Variants in AGBL4 observed in about 807,000 individuals in gnomAD.
AGBL4 encodes the protein cytosolic carboxypeptidase 6.
Under a neutral mutation model 66.4 loss-of-function variants are expected in AGBL4, and 58 were observed. The observed-to-expected ratio is 0.87, with a 90% CI of 0.71 to 1.09. AGBL4 has a LOEUF of 1.09. AGBL4 is among the 50% of genes least tolerant of loss of function. The pLI, the probability that AGBL4 is intolerant of heterozygous loss-of-function variation, is 0.00. For synonymous variants in AGBL4, 234 were observed against 222.9 expected (o/e 1.05, Z -0.44); for missense variants, 579 against 631.0 (o/e 0.92, Z 0.88).
intron 9 of AGBL4, among the ~76,000 whole-genome samples, chr1:48,593,051 T>C (rs1644941990): frequency 6.6e-6 from 1 of 152,130 alleles, no homozygotes; most frequent in African/African-American, 2.4e-5. Context: ...AATCTGAAAG[T>C]CAAATGATAT....
At chr1:49,025,263 G>A (rs768900749) in intron 5 of AGBL4, among the ~76,000 whole-genome samples, 1 of 152,142 alleles carries the variant, frequency 6.6e-6, no homozygotes, top group Non-Finnish European at 1.5e-5. Flanking sequence ...CAGCAGCTGC[G>A]TTTCCAACTA....
intron 2 of AGBL4, among the ~76,000 whole-genome samples, chr1:49,720,691 C>T (rs1454053287): frequency 6.6e-6 from 1 of 152,038 alleles, no homozygotes; most frequent in Non-Finnish European, 1.5e-5. Context: ...TGACGTGATA[C>T]GTGCAGAGGT....
intron 3 of AGBL4, among the ~76,000 whole-genome samples, chr1:49,637,101 T>G (rs1365173338): frequency 6.6e-6 from 1 of 152,144 alleles, no homozygotes; most frequent in Non-Finnish European, 1.5e-5. Flanking sequence ...AACACTGGAC[T>G]CCAAGTTCTT....
intron 3 of AGBL4, among the ~76,000 whole-genome samples, chr1:49,317,244 A>G (rs1243851491): frequency 6.6e-6 from 1 of 151,928 alleles, no homozygotes; most frequent in African/African-American, 2.4e-5. Context: ...GTGGTAAGAA[A>G]AAGTATAATG....
intron 2 of AGBL4, among the ~76,000 whole-genome samples, chr1:49,704,030 A>C (rs2124635122): frequency 6.6e-6 from 1 of 152,246 alleles, no homozygotes; most frequent in Non-Finnish European, 1.5e-5. Context: ...AAAGATATCC[A>C]AGTCTTTTGC....
chr1:49,434,637 G>A (rs1209603461), intron 3 of AGBL4, among the ~76,000 whole-genome samples: 1 of 151,810 alleles, frequency 6.6e-6, no homozygotes, highest in East Asian at 1.9e-4. Flanking sequence ...TGCTATTCCA[G>A]CAAATTGCTA....
At chr1:48,606,587 A>G (rs1645157138) in intron 9 of AGBL4, among the ~76,000 whole-genome samples, 1 of 152,214 alleles carries the variant, frequency 6.6e-6, no homozygotes, top group South Asian at 2.1e-4. Flanking sequence ...ATTCTTCAAA[A>G]AAGGATCTCC....
chr1:49,891,704 T>C (rs867616264), intron 1 of AGBL4, among the ~76,000 whole-genome samples: 17 of 152,160 alleles, frequency 1.1e-4, no homozygotes, highest in African/African-American at 7.2e-5. Flanking sequence ...CAGAAAGATG[T>C]ATCAGGGTGT....
At chr1:49,608,568 C>T (rs1645100138) in intron 3 of AGBL4, among the ~76,000 whole-genome samples, 1 of 152,046 alleles carries the variant, frequency 6.6e-6, no homozygotes, top group Admixed American at 6.6e-5. Flanking sequence ...TCATTGGCAC[C>T]ACCAAAGAGG....
intron 4 of AGBL4, among the ~76,000 whole-genome samples, chr1:49,105,794 G>A (rs1411665152): frequency 2.6e-5 from 4 of 152,154 alleles, no homozygotes; most frequent in African/African-American, 7.2e-5. Flanking sequence ...ATGTGCAAAT[G>A]TATGGAAAAC....
At chr1:49,049,373 G>A (rs1414820357) in intron 4 of AGBL4, among the ~76,000 whole-genome samples, 2 of 151,908 alleles carry the variant, frequency 1.3e-5, no homozygotes, top group African/African-American at 4.8e-5. Context: ...TGACTATTGA[G>A]TCTTCCTTAT....
At chr1:49,767,090 C>T (rs951579491) in intron 2 of AGBL4, among the ~76,000 whole-genome samples, 4 of 152,062 alleles carry the variant, frequency 2.6e-5, no homozygotes, top group Non-Finnish European at 5.9e-5. Context: ...ATAAATTTAA[C>T]ACTTCACCAA....
At chr1:48,543,397 TCCATCC>T (rs1475156620) in intron 11 of AGBL4, among the ~76,000 whole-genome samples, 56 of 149,592 alleles carry the variant, frequency 3.7e-4, no homozygotes, top group Non-Finnish European at 6.8e-4. Context: ...CATCCATCCA[TCCATCC>T]ATCCATCCAT....
chr1:49,353,022 T>C (rs181327076), intron 3 of AGBL4, among the ~76,000 whole-genome samples: 26 of 152,296 alleles, frequency 1.7e-4, no homozygotes, highest in African/African-American at 6.0e-4. Flanking sequence ...AGAATCTGCA[T>C]TCAAACTAGT....
intron 1 of AGBL4, among the ~76,000 whole-genome samples, chr1:49,873,590 A>G (rs1315816046): frequency 6.6e-6 from 1 of 152,060 alleles, no homozygotes; most frequent in Non-Finnish European, 1.5e-5. Flanking sequence ...TAAAGTGCTG[A>G]TTTACTGAGT....
At chr1:48,893,289 C>T (rs1008240991) in intron 5 of AGBL4, among the ~76,000 whole-genome samples, 2 of 152,050 alleles carry the variant, frequency 1.3e-5, no homozygotes, top group Non-Finnish European at 2.9e-5. Context: ...ATGTGTTGAA[C>T]TCCTACCCTG....
intron 3 of AGBL4, among the ~76,000 whole-genome samples, chr1:49,600,345 G>T (rs1228605997): frequency 6.6e-6 from 1 of 152,148 alleles, no homozygotes; most frequent in African/African-American, 2.4e-5. Context: ...TTGTTGCATT[G>T]ATCCTTTACC....
chr1:49,588,910 A>T (rs1203770270), intron 3 of AGBL4, among the ~76,000 whole-genome samples: 1 of 152,006 alleles, frequency 6.6e-6, no homozygotes, highest in Non-Finnish European at 1.5e-5. Flanking sequence ...TTCTTCAAGT[A>T]TGTTGAACTA....
chr1:49,566,949 T>C (rs1049122584), intron 3 of AGBL4, among the ~76,000 whole-genome samples: 1 of 152,190 alleles, frequency 6.6e-6, no homozygotes, highest in African/African-American at 2.4e-5. Flanking sequence ...CTCCACCCAG[T>C]TTGAGCTTCC....
Sources: allele counts gnomAD v4.1 joint callset (sites outside exome capture counted in the v4.1 genomes callset), GRCh38; gene constraint gnomAD v4.1.1; transcripts MANE v1.5; gene names NCBI Gene and HGNC (gene_info 2026-07-23, HGNC 2026-07-21).